Variants in CDIN1 observed in about 807,000 individuals in gnomAD.
The protein encoded by CDIN1 is CDAN1 interacting nuclease 1, also known as CDAN1-interacting nuclease 1.
Under a neutral mutation model 45.3 loss-of-function variants are expected in CDIN1, and 33 were observed. That is an observed-to-expected ratio of 0.73 (90% CI 0.55 to 0.97). CDIN1 has a LOEUF of 0.97. CDIN1 is among the 50% of genes least tolerant of loss of function. The pLI, the probability that CDIN1 is intolerant of heterozygous loss-of-function variation, is 0.00. For synonymous variants in CDIN1, 118 were observed against 124.4 expected (o/e 0.95, Z 0.34); for missense variants, 303 against 339.4 (o/e 0.89, Z 0.84).
intron 1 of CDIN1, chr15:36,616,966 G>A (rs2038924874): frequency 1.7e-6 from 1 of 577,216 alleles, no homozygotes; most frequent in East Asian, 2.9e-5. Flanking sequence ...AATTGTAAAA[G>A]TATTATACCT....
chr15:36,619,041 GACAA>G lies in CDIN1; in HGVS notation c.102-25231_102-25228del, dbSNP rs879055581. 62 of 1,318,246 alleles carry G rather than the reference GACAA, an allele frequency of 4.7e-5. 1 individual carries two copies. In the South Asian group the frequency reaches 7.9e-4, roughly 17 times the overall value. 81.7% of individuals were successfully genotyped at this position (1,318,246 alleles called of 1,614,324 possible). Reference sequence around the variant, plus strand: ...TTCGCTCCAATGTAGTGTCTCCCACGACAAACAAAGACAATGAAGCTCCTTAGAA... The same window carrying G: ...TTCGCTCCAATGTAGTGTCTCCCACGACAAAGACAATGAAGCTCCTTAGAA... On this transcript the variant is annotated intron_variant, in intron 1 of 10. Coordinates refer to ENST00000566621, the MANE Select transcript of CDIN1 (RefSeq NM_001321759.2).
intron 1 of CDIN1, among the ~76,000 whole-genome samples, chr15:36,623,638 A>G (rs967302913): frequency 7.2e-5 from 11 of 152,128 alleles, no homozygotes; most frequent in Admixed American, 3.3e-4. Flanking sequence ...GTTTGAGGGG[A>G]GCACTCCTAT....
chr15:36,802,036 A>T (rs2055066692), intron 10 of CDIN1, among the ~76,000 whole-genome samples: 1 of 152,120 alleles, frequency 6.6e-6, no homozygotes, highest in Admixed American at 6.5e-5. Flanking sequence ...AGGTGTAGTA[A>T]ATATTTTTCA....
chr15:36,740,557 G>A (rs1470444878), intron 10 of CDIN1, among the ~76,000 whole-genome samples: 4 of 152,048 alleles, frequency 2.6e-5, no homozygotes, highest in Non-Finnish European at 5.9e-5. Flanking sequence ...GGCCCACTAT[G>A]GTCAAATCTC....
chr15:36,614,536 A>G (rs1248287715), intron 1 of CDIN1, among the ~76,000 whole-genome samples: 1 of 152,236 alleles, frequency 6.6e-6, no homozygotes, highest in Non-Finnish European at 1.5e-5. Flanking sequence ...AACATTCCAA[A>G]TAATTCCACA....
At position 36,619,527 on chromosome 15, in the gene CDIN1, CCA is replaced by C. The variant is rs544676621; in HGVS notation, c.102-24742_102-24741del. On this transcript the variant is annotated intron_variant, in intron 1 of 10. Coordinates refer to ENST00000566621, the MANE Select transcript of CDIN1 (RefSeq NM_001321759.2). Reference sequence around the variant, plus strand: ...TCTATCTATCTATCTATCCATCCATCCACACACACATATAAAGTGTATTTTTT... The same window carrying C: ...TCTATCTATCTATCTATCCATCCATCCACACACATATAAAGTGTATTTTTT... Among the ~76,000 whole-genome samples, 32 of 150,374 alleles carry C rather than the reference CCA, an allele frequency of 2.1e-4. No homozygotes were observed. In the South Asian group the frequency reaches 6.4e-3, roughly 30 times the overall value.
chr15:36,757,783 G>A (rs2053647155), intron 10 of CDIN1, among the ~76,000 whole-genome samples: 1 of 152,018 alleles, frequency 6.6e-6, no homozygotes, highest in African/African-American at 2.4e-5. Flanking sequence ...GAGAGCAGTA[G>A]TAGCCTAATG....
chr15:36,656,350 A>G (rs2040782077), intron 4 of CDIN1, among the ~76,000 whole-genome samples: 1 of 152,028 alleles, frequency 6.6e-6, no homozygotes, highest in Admixed American at 6.6e-5. Context: ...TTGTATTTTT[A>G]TTATCTTTTT....
chr15:36,595,392 A>C (rs1216313073), intron 1 of CDIN1, among the ~76,000 whole-genome samples: 2 of 151,006 alleles, frequency 1.3e-5, no homozygotes, highest in Non-Finnish European at 3.0e-5. Flanking sequence ...TGTACCTAGA[A>C]GGAAAATTGT....
At chr15:36,589,731 C>A (rs1450880461) in intron 1 of CDIN1, among the ~76,000 whole-genome samples, 2 of 152,102 alleles carry the variant, frequency 1.3e-5, no homozygotes, top group African/African-American at 2.4e-5. Flanking sequence ...GTCTCGATCT[C>A]CTGACCTCGT....
intron 10 of CDIN1, among the ~76,000 whole-genome samples, chr15:36,748,684 G>C (rs936223372): frequency 9.2e-5 from 14 of 151,984 alleles, no homozygotes; most frequent in Non-Finnish European, 1.8e-4. Flanking sequence ...CAAACAAAAC[G>C]TGCAGCCATC....
At chr15:36,644,111 G>A (rs926099451) in intron 1 of CDIN1, among the ~76,000 whole-genome samples, 167 bp from the exon 2 acceptor site, 5 of 152,042 alleles carry the variant, frequency 3.3e-5, no homozygotes, top group African/African-American at 7.2e-5. Context: ...TTGACCCAGC[G>A]GCAGGAAGCC....
At chr15:36,692,022 G>C (rs1566904825) in intron 6 of CDIN1, 104 bp from the exon 7 acceptor site, 1 of 1,138,218 alleles carries the variant, frequency 8.8e-7, no homozygotes, top group Admixed American at 2.9e-5. Flanking sequence ...TTTTTGGGGG[G>C]CGGGGGTGGG....
chr15:36,710,421 T>C (rs569064790), intron 10 of CDIN1, among the ~76,000 whole-genome samples: 2 of 152,300 alleles, frequency 1.3e-5, no homozygotes, highest in South Asian at 4.1e-4. Flanking sequence ...TACCAACTCA[T>C]ATTAACGTTC....
intron 1 of CDIN1, among the ~76,000 whole-genome samples, chr15:36,633,838 A>G (rs2140360093): frequency 6.6e-6 from 1 of 151,370 alleles, no homozygotes; most frequent in Admixed American, 6.6e-5. Flanking sequence ...GCTAACAGCA[A>G]CCTCTGTCTC....
chr15:36,659,564 C>A (rs555746540), intron 5 of CDIN1, among the ~76,000 whole-genome samples: 1 of 149,244 alleles, frequency 6.7e-6, no homozygotes, highest in Non-Finnish European at 1.5e-5. Context: ...GAAGCTTTTT[C>A]TTTTATAATT....
chr15:36,759,524 C>CT (rs1372666126), intron 10 of CDIN1, among the ~76,000 whole-genome samples: 4 of 151,854 alleles, frequency 2.6e-5, no homozygotes, highest in Non-Finnish European at 5.9e-5. Flanking sequence ...ATAAATTGTG[C>CT]TTTTTTTGTA....
chr15:36,669,621 A>G (rs899955047), intron 5 of CDIN1, among the ~76,000 whole-genome samples: 2 of 152,044 alleles, frequency 1.3e-5, no homozygotes, highest in African/African-American at 4.8e-5. Context: ...ACGTAATTCA[A>G]ATTTCACCAG....
Position 36,701,835 on chromosome 15 carries a change from C to T in CDIN1, c.544+4445C>T, listed in dbSNP as rs190045754. Among the ~76,000 whole-genome samples, 557 of 152,236 alleles carry T rather than the reference C, an allele frequency of 3.7e-3. 2 individuals carry two copies. Among genetic ancestry groups the T allele is most frequent in the African/African-American group, 0.012 (517 of 41,544 alleles). On this transcript the variant is annotated intron_variant, in intron 8 of 10. Coordinates refer to ENST00000566621, the MANE Select transcript of CDIN1 (RefSeq NM_001321759.2). Reference sequence around the variant, plus strand: ...AGCATTTGTGTATTACTCTGTGGGACTCTGAGAGAGTATAATCTGTAAAGC... The same window carrying T: ...AGCATTTGTGTATTACTCTGTGGGATTCTGAGAGAGTATAATCTGTAAAGC...
Sources: allele counts gnomAD v4.1 joint callset (sites outside exome capture counted in the v4.1 genomes callset), GRCh38; gene constraint gnomAD v4.1.1; transcripts MANE v1.5; gene names NCBI Gene and HGNC (gene_info 2026-07-23, HGNC 2026-07-21).